The following ACSL1 variants were observed in gnomAD, a reference collection of about 807,000 sequenced individuals.
The protein encoded by ACSL1 is long-chain-fatty-acid--CoA ligase 1.
Under a neutral mutation model 98.4 loss-of-function variants are expected in ACSL1, and 41 were observed. The observed-to-expected ratio is 0.42, with a 90% confidence interval of 0.32 to 0.54. The LOEUF (loss-of-function observed/expected upper bound fraction) is 0.54, where lower values mean the gene tolerates loss of function less well. ACSL1 is among the 20% of genes least tolerant of loss of function. The probability of loss-of-function intolerance (pLI) is 0.13; values close to 1 mark genes in which losing one functional copy is unlikely to be tolerated. For synonymous variants in ACSL1, 316 were observed against 322.7 expected (o/e 0.98, Z 0.22); for missense variants, 734 against 883.1 (o/e 0.83, Z 2.14).
chr4:184,778,276 C>T (rs147117233), intron 5 of ACSL1, among the ~76,000 whole-genome samples: 25 of 152,272 alleles, frequency 1.6e-4, no homozygotes, highest in African/African-American at 3.6e-4. Flanking sequence ...AAGGCACAGC[C>T]GGGGGAAGGG....
chr4:184,804,172 T>C (rs1023824947), intron 1 of ACSL1, among the ~76,000 whole-genome samples: 2 of 152,232 alleles, frequency 1.3e-5, no homozygotes, highest in African/African-American at 2.4e-5. Context: ...CAAGACATTA[T>C]AGCCAAAAGA....
Position 184,766,938 on chromosome 4 carries a change from G to A in ACSL1, c.1129-182C>T, listed in dbSNP as rs28711309. Among the ~76,000 whole-genome samples, 584 of 152,202 alleles carry A rather than the reference G, an allele frequency of 3.8e-3. 2 individuals are homozygous for A. Among genetic ancestry groups the A allele is most frequent in the African/African-American group, 0.013 (533 of 41,538 alleles). Reference sequence around the variant, plus strand: ...GCACAGGACAGCAATTCCACACCTCGGTATACACCCAGGAGCAATGGACAC... The same window carrying A: ...GCACAGGACAGCAATTCCACACCTCAGTATACACCCAGGAGCAATGGACAC... On this transcript the variant is annotated intron_variant, in intron 12 of 20. Coordinates refer to ENST00000281455, the MANE Select transcript of ACSL1 (RefSeq NM_001995.5). This position sits in a 1 kb window ranked among gnomAD's most constrained non-coding sequence, Gnocchi z 4.8.
intron 1 of ACSL1, among the ~76,000 whole-genome samples, chr4:184,823,540 A>C (rs537388416): frequency 6.6e-6 from 1 of 152,340 alleles, no homozygotes; most frequent in Admixed American, 6.5e-5. Context: ...GTGAAACTGG[A>C]AGGGAGAGAG....
At chr4:184,788,426 A>C in intron 3 of ACSL1, 191 bp downstream of exon 3, 1 of 680,488 alleles carries the variant, frequency 1.5e-6, no homozygotes, top group Non-Finnish European at 2.7e-6. Context: ...TGGAGCCCCC[A>C]GGGCCACAGG....
intron 2 of ACSL1, among the ~76,000 whole-genome samples, chr4:184,797,391 G>A (rs1463365808): frequency 3.3e-5 from 5 of 152,212 alleles, no homozygotes; most frequent in African/African-American, 7.2e-5. Context: ...TGGTTACGTG[G>A]AAATGAGGGA....
intron 10 of ACSL1, among the ~76,000 whole-genome samples, chr4:184,771,936 T>C (rs181721583): frequency 2.0e-5 from 3 of 152,284 alleles, no homozygotes; most frequent in Admixed American, 6.5e-5. Flanking sequence ...CAGGATGAAA[T>C]TGTTATATTA....
intron 2 of ACSL1, among the ~76,000 whole-genome samples, chr4:184,791,975 A>C (rs1005171832): frequency 1.7e-4 from 26 of 152,320 alleles, no homozygotes; most frequent in Non-Finnish European, 3.4e-4. Flanking sequence ...TCAATGTCCC[A>C]AATTTTATTT....
rs1762193982 is a variant in ACSL1 at position 184,756,999 on chromosome 4, T to A, written c.*126A>T. Reference sequence around the variant, plus strand: ...GCATTCCTATGAGAAGAACCCCGAATGGACAAGTCAAACACGAACGCTTCC... The same window carrying A: ...GCATTCCTATGAGAAGAACCCCGAAAGGACAAGTCAAACACGAACGCTTCC... On this transcript the variant is annotated 3_prime_UTR_variant, in exon 21 of 21. Transcript: ENST00000281455. 1 of 1,225,860 alleles carries A rather than the reference T, an allele frequency of 8.2e-7. No homozygotes were observed. Among genetic ancestry groups the A allele is most frequent in the African/African-American group, 1.5e-5 (1 of 66,536 alleles). 75.9% of individuals were successfully genotyped at this position (1,225,860 alleles called of 1,614,324 possible). A position where few individuals can be genotyped will look rare whatever the true frequency, so the allele number is the denominator to read the frequency against.
chr4:184,760,620 C>T, intron 17 of ACSL1, 120 bp from the exon 18 acceptor site: 2 of 1,368,546 alleles, frequency 1.5e-6, no homozygotes, highest in South Asian at 2.7e-5. Flanking sequence ...TAATAACATC[C>T]CACAGAGGTC....
intron 1 of ACSL1, chr4:184,821,210 C>A: frequency 2.3e-6 from 1 of 429,650 alleles, no homozygotes; most frequent in South Asian, 1.6e-5. Context: ...CTACCACAGC[C>A]CTGCTTTGTG....
intron 17 of ACSL1, among the ~76,000 whole-genome samples, chr4:184,761,652 C>T (rs577420375): frequency 1.1e-4 from 16 of 152,262 alleles, no homozygotes; most frequent in African/African-American, 3.6e-4. Context: ...AGATGACAAA[C>T]CTAAGAAACA....
intron 1 of ACSL1, among the ~76,000 whole-genome samples, chr4:184,806,844 T>C (rs911328866): frequency 1.3e-5 from 2 of 152,240 alleles, no homozygotes; most frequent in South Asian, 2.1e-4. Flanking sequence ...GCCTCTTAAA[T>C]GGCAGCCAGG....
intron 3 of ACSL1, among the ~76,000 whole-genome samples, chr4:184,784,343 AAC>A (rs1326710747): frequency 6.6e-6 from 1 of 152,196 alleles, no homozygotes; most frequent in Non-Finnish European, 1.5e-5. Context: ...TGTAGTGGTA[AAC>A]AGATACCTTT....
intron 11 of ACSL1, 109 bp from the exon 12 acceptor site, chr4:184,768,559 A>G: frequency 6.8e-7 from 1 of 1,468,446 alleles, no homozygotes; most frequent in Non-Finnish European, 9.1e-7. Flanking sequence ...AGTTTCCAGA[A>G]ATCTTAAATT....
intron 18 of ACSL1, among the ~76,000 whole-genome samples, 185 bp downstream of exon 18, chr4:184,760,172 A>C (rs1762659345): frequency 6.6e-6 from 1 of 152,234 alleles, no homozygotes; most frequent in Non-Finnish European, 1.5e-5. Flanking sequence ...ATTAAAGAGA[A>C]CAAATTTTCC....
At chr4:184,801,355 T>A (rs61140985) in intron 2 of ACSL1, among the ~76,000 whole-genome samples, 66 of 152,284 alleles carry the variant, frequency 4.3e-4, no homozygotes, top group African/African-American at 1.5e-3. Flanking sequence ...AAACTGTGCA[T>A]GTGAGATGGG....
intron 1 of ACSL1, chr4:184,812,189 G>C: frequency 2.0e-6 from 2 of 985,300 alleles, no homozygotes; most frequent in Non-Finnish European, 2.4e-6. Flanking sequence ...CTATGTAGAT[G>C]CTTCTTCCTC....
At chr4:184,800,173 A>T (rs1352706252) in intron 2 of ACSL1, among the ~76,000 whole-genome samples, 2 of 152,196 alleles carry the variant, frequency 1.3e-5, no homozygotes, top group Non-Finnish European at 2.9e-5. Flanking sequence ...ATAACTCTTC[A>T]GTCCTCTTAG....
chr4:184,762,600 C>A (rs1485589489), intron 16 of ACSL1, 77 bp from the exon 17 acceptor site: 9 of 1,268,648 alleles, frequency 7.1e-6, no homozygotes, highest in Non-Finnish European at 9.2e-6. Flanking sequence ...CATGTGTGTA[C>A]GTGTGTGTCT....
Sources: allele counts gnomAD v4.1 joint callset (sites outside exome capture counted in the v4.1 genomes callset), GRCh38; gene constraint gnomAD v4.1.1; non-coding constraint Gnocchi (gnomAD v3.1); transcripts MANE v1.5; gene names NCBI Gene and HGNC (gene_info 2026-07-23, HGNC 2026-07-21).